The following FMN2 variants were observed in gnomAD, a reference collection of about 807,000 sequenced individuals.
FMN2 encodes the protein formin-2.
FMN2 carries 51 observed loss-of-function variants against 142.3 expected under a neutral mutation model. That is an observed-to-expected ratio of 0.36 (90% CI 0.29 to 0.45). The LOEUF is 0.45. FMN2 is among the 20% of genes least tolerant of loss of function. The pLI is 1.00. For missense variants in FMN2, 1,936 were observed against 2,122.8 expected, an observed-to-expected ratio of 0.91 and a Z score of 1.73; for synonymous variants, 882 against 869.8, an observed-to-expected ratio of 1.01 and a Z score of -0.25.
chr1:240,124,107 G>A (rs6671047), intron 2 of FMN2, among the ~76,000 whole-genome samples: 13,494 of 152,186 alleles, frequency 0.089, 679 homozygotes, highest in African/African-American at 0.11. Context: ...ACCTTTTGCT[G>A]TAATGCTGCT....
chr1:240,347,993 A>G (rs961666331), intron 13 of FMN2, among the ~76,000 whole-genome samples: 29 of 152,172 alleles, frequency 1.9e-4, no homozygotes, highest in Non-Finnish European at 4.3e-4. Flanking sequence ...TCTGACTAGC[A>G]CAACAATGAA....
chr1:240,103,681 C>T (rs1028649816), intron 1 of FMN2, among the ~76,000 whole-genome samples: 14 of 152,208 alleles, frequency 9.2e-5, no homozygotes, highest in Middle Eastern at 6.8e-3. Context: ...AAATCCCTAT[C>T]AACAGCCTCC....
intron 16 of FMN2, among the ~76,000 whole-genome samples, chr1:240,468,226 G>A (rs1676687311): frequency 1.7e-5 from 2 of 115,108 alleles, no homozygotes; most frequent in African/African-American, 8.2e-5. Context: ...GTGTGTGTGT[G>A]TGTGTGTATT....
rs148817383 is a variant in FMN2, at chr1:240,342,310, C to T, written c.4765+8081C>T. Among the ~76,000 whole-genome samples the T allele has an allele frequency of 3.5e-3, 528 of 152,222 alleles. 5 individuals carry two copies. The highest frequency in any genetic ancestry group is 0.012 in the African/African-American group (503 of 41,556). On this transcript the variant is annotated intron_variant, in intron 13 of 17. Coordinates refer to ENST00000319653, the MANE Select transcript of FMN2 (RefSeq NM_020066.5). Reference sequence around the variant, plus strand: ...ATTCTGTATTCACTTTTATATCTTACGTTTTTCCTCACTGAAAATTATAGC... The same window carrying T: ...ATTCTGTATTCACTTTTATATCTTATGTTTTTCCTCACTGAAAATTATAGC...
chr1:240,289,811 C>A (rs1558414566), intron 7 of FMN2, among the ~76,000 whole-genome samples: 1 of 152,134 alleles, frequency 6.6e-6, no homozygotes, highest in Non-Finnish European at 1.5e-5. Flanking sequence ...AAATGAGTTC[C>A]TTTTAAGGCA....
intron 13 of FMN2, among the ~76,000 whole-genome samples, chr1:240,338,101 G>T (rs1379201012): frequency 6.6e-6 from 1 of 152,142 alleles, no homozygotes; most frequent in Non-Finnish European, 1.5e-5. Context: ...TAAGTTACCG[G>T]AACTGGATGA....
At chr1:240,425,282 G>T (rs1397651032) in intron 15 of FMN2, among the ~76,000 whole-genome samples, 1 of 150,972 alleles carries the variant, frequency 6.6e-6, no homozygotes, top group Non-Finnish European at 1.5e-5. Flanking sequence ...TGAAAAACAA[G>T]TATGGCATCA....
rs112667474 is a variant in FMN2 at position 240,363,676 on chromosome 1, C to T, written c.4858+7768C>T. Among the ~76,000 whole-genome samples the T allele has an allele frequency of 5.3e-3, 815 of 152,340 alleles. 5 individuals are homozygous for T. Among genetic ancestry groups the T allele is most frequent in the Non-Finnish European group, 9.3e-3 (634 of 68,038 alleles). ...TCTTTTCATTCTGTATGTCCTCCCC[C>T]ACCTGCCTGTGAAGCTCTCAAGGTC... On this transcript the variant is annotated intron_variant, in intron 14 of 17. Coordinates refer to ENST00000319653, the MANE Select transcript of FMN2 (RefSeq NM_020066.5).
chr1:240,124,154 A>G (rs373077009), intron 2 of FMN2, among the ~76,000 whole-genome samples: 6 of 152,312 alleles, frequency 3.9e-5, no homozygotes, highest in African/African-American at 1.4e-4. Context: ...TAATGCCGCT[A>G]TGAACATGAG....
intron 14 of FMN2, among the ~76,000 whole-genome samples, chr1:240,377,220 T>C (rs1449950896): frequency 6.6e-6 from 1 of 152,158 alleles, no homozygotes; most frequent in Non-Finnish European, 1.5e-5. Flanking sequence ...GATTTACAGG[T>C]GGAAAATTTA....
chr1:240,107,824 ACT>A lies in FMN2; in HGVS notation c.1615+14105_1615+14106del, dbSNP rs549702248. 1.7e-4 allele frequency among the ~76,000 whole-genome samples: 26 copies of A among 152,144 alleles called. No individual in the cohort carries two copies. The South Asian group carries it at 5.0e-3, about 29-fold the overall frequency. Reference sequence around the variant, plus strand: ...TTTTAATAGACATGTAGTACCGAGAACTCTCTATAACAAAGTCACTTTTTGAA... The same window carrying A: ...TTTTAATAGACATGTAGTACCGAGAACTCTATAACAAAGTCACTTTTTGAA... On this transcript the variant is annotated intron_variant, in intron 1 of 17. Coordinates refer to ENST00000319653, the MANE Select transcript of FMN2 (RefSeq NM_020066.5).
intron 2 of FMN2, chr1:240,144,036 A>G (rs754049815): frequency 7.1e-6 from 8 of 1,123,948 alleles, no homozygotes; most frequent in Non-Finnish European, 1.1e-5. Context: ...ACTATGCCAC[A>G]GGCAAGAAGA....
At chr1:240,376,388 A>G (rs1673043116) in intron 14 of FMN2, among the ~76,000 whole-genome samples, 1 of 151,748 alleles carries the variant, frequency 6.6e-6, no homozygotes, top group Admixed American at 6.6e-5. Flanking sequence ...TGTTTCATCT[A>G]TTGTTTTCCT....
intron 6 of FMN2, among the ~76,000 whole-genome samples, chr1:240,253,261 G>A (rs1027759636): frequency 2.8e-5 from 4 of 142,878 alleles, no homozygotes; most frequent in Admixed American, 1.5e-4. Context: ...GAGACACTAC[G>A]CCTGGCCTGT....
chr1:240,358,238 T>C (rs1163385716), intron 14 of FMN2, among the ~76,000 whole-genome samples: 1 of 152,202 alleles, frequency 6.6e-6, no homozygotes, highest in Admixed American at 6.5e-5. Flanking sequence ...AATGTATGCG[T>C]CTTAATGGAC....
At chr1:240,386,828 A>G (rs1673420052) in intron 14 of FMN2, among the ~76,000 whole-genome samples, 1 of 152,212 alleles carries the variant, frequency 6.6e-6, no homozygotes, top group Non-Finnish European at 1.5e-5. Flanking sequence ...CTTTGGTAGG[A>G]TCAGACCTAA....
At chr1:240,218,659 C>T (rs1044885790) in intron 6 of FMN2, among the ~76,000 whole-genome samples, 2 of 152,136 alleles carry the variant, frequency 1.3e-5, no homozygotes, top group African/African-American at 4.8e-5. Flanking sequence ...GCGGAGAGCC[C>T]TCTTTAGTTT....
chr1:240,265,102 T>A (rs571994032), intron 7 of FMN2, among the ~76,000 whole-genome samples: 3 of 152,318 alleles, frequency 2.0e-5, no homozygotes, highest in South Asian at 2.1e-4. Flanking sequence ...AAAATCAGAA[T>A]GCGCAACATA....
At chr1:240,215,745 G>A (rs1303887922) in intron 6 of FMN2, among the ~76,000 whole-genome samples, 8 of 151,942 alleles carry the variant, frequency 5.3e-5, no homozygotes, top group Non-Finnish European at 1.0e-4. Flanking sequence ...GTCTCACTCT[G>A]TTGCCCAAGT....
Sources: allele counts gnomAD v4.1 joint callset (sites outside exome capture counted in the v4.1 genomes callset), GRCh38; gene constraint gnomAD v4.1.1; transcripts MANE v1.5; gene names NCBI Gene and HGNC (gene_info 2026-07-23, HGNC 2026-07-21).